The following KMT2B variants were observed in gnomAD, a reference collection of about 807,000 sequenced individuals.
KMT2B encodes histone-lysine N-methyltransferase 2B.
A neutral mutation model predicts 255.3 loss-of-function variants in KMT2B; 22 were observed. The observed-to-expected ratio is 0.09, with a 90% CI of 0.06 to 0.12. The LOEUF (loss-of-function observed/expected upper bound fraction) is 0.12. KMT2B is among the 10% of genes least tolerant of loss of function. KMT2B has a pLI of 1.00. For synonymous variants in KMT2B, 1,730 were observed against 1,498.1 expected (o/e 1.15, Z -3.57); for missense variants, 3,149 against 3,737.0 (o/e 0.84, Z 4.10).
At chr19:35,724,192 A>C (rs978121044) in intron 8 of KMT2B, among the ~76,000 whole-genome samples, 185 bp downstream of exon 8, 10 of 152,122 alleles carry the variant, frequency 6.6e-5, no homozygotes, top group Admixed American at 3.3e-4. Context: ...AGTGAGCCTA[A>C]TGAGTGAGAC....
chr19:35,732,884 A>G lies in KMT2B; in HGVS notation c.6335A>G (p.Glu2112Gly). 6.2e-7 allele frequency: 1 copy of G among 1,610,276 alleles called. No homozygotes were observed. Among genetic ancestry groups the G allele is most frequent in the South Asian group, 1.1e-5 (1 of 90,668 alleles). ...CGGCCTCCTGAGGACCTGCCATCGG[A>G]AATTGTGGATTTTGTGTTGAAGAAC... Reference protein sequence around the residue: ...RARPPEDLPSEIVDFVLKNLG... With the variant: ...RARPPEDLPSGIVDFVLKNLG... Residue 2112 changes from glutamate to glycine, a missense_variant, in exon 28 of 37, where the codon GAA becomes GGA. Transcript: ENST00000420124.
chr19:35,726,844 C>T (rs1237741144), intron 14 of KMT2B, among the ~76,000 whole-genome samples: 3 of 151,996 alleles, frequency 2.0e-5, no homozygotes, highest in South Asian at 2.1e-4. Flanking sequence ...ATTAGCCGGG[C>T]ATGATGGCGG....
chr19:35,729,357 T>A (rs1351030702), intron 22 of KMT2B, 61 bp downstream of exon 22: 23 of 1,535,198 alleles, frequency 1.5e-5, no homozygotes, highest in Admixed American at 2.0e-5. Context: ...CCTCCTCCGG[T>A]GCAAACAGCT....
intron 22 of KMT2B, among the ~76,000 whole-genome samples, chr19:35,729,556 G>A (rs1366943358): frequency 1.3e-5 from 2 of 152,162 alleles, no homozygotes; most frequent in Non-Finnish European, 2.9e-5. Context: ...CGCTTTCCAT[G>A]CTGGGTGGCG....
At position 35,720,451 on chromosome 19, in the gene KMT2B, G is replaced by A. The variant is rs376407096; in HGVS notation, c.1104G>A (p.Lys368=). The change falls in exon 3 of 37, where the codon AAG becomes AAA. Residue 368 remains lysine (K), a synonymous_variant. Transcript: ENST00000420124. The part of the protein sequence containing the change: ...EQKLDDEEEE[K]KEEEEKDKEG... ...AGCTGGATGACGAGGAAGAAGAGAA[G>A]AAAGAAGAAGAAGAAAAAGACAAGG... 5.2e-6 allele frequency: 8 copies of A among 1,551,834 alleles called. 1 individual carries two copies. The African/African-American group carries it at 5.5e-5, about 11-fold the overall frequency.
intron 30 of KMT2B, among the ~76,000 whole-genome samples, chr19:35,734,426 C>A (rs114503417): frequency 0.027 from 4,082 of 152,268 alleles, 172 homozygotes; most frequent in African/African-American, 0.088. Flanking sequence ...GAAGGCAAAA[C>A]AGCCCAAGCA....
chr19:35,737,022 A>G lies in KMT2B; in HGVS notation c.7372+36A>G, dbSNP rs1320786698. Reference sequence around the variant, plus strand: ...GGCCCCACAGGGGGCAGGGAGCTGGATGTCTCCCCGAGGGCACCATGGGCC... The same window carrying G: ...GGCCCCACAGGGGGCAGGGAGCTGGGTGTCTCCCCGAGGGCACCATGGGCC... On this transcript the variant is annotated intron_variant, in intron 32 of 36. Transcript: ENST00000420124. This position sits in a 1 kb window ranked among gnomAD's most constrained non-coding sequence, Gnocchi z 5.3. 1.2e-6 allele frequency: 2 copies of G among 1,610,602 alleles called. No individual in the cohort carries two copies. The highest frequency in any genetic ancestry group is 3.4e-5 in the Admixed American group (2 of 59,392).
chr19:35,718,413 G>C lies in KMT2B; in HGVS notation c.363+32G>C. ...CGGTTGGAGGCGTCCCCGGCGCCGG[G>C]TGGGGCGGAGGCCGGGGCTTCCAGG... On this transcript the variant is annotated intron_variant, in intron 1 of 36. Transcript: ENST00000420124. The surrounding 1 kb of genome is among the most constrained non-coding windows in gnomAD (Gnocchi z 5.0). 3 of 1,244,380 alleles carry C rather than the reference G, an allele frequency of 2.4e-6. No individual in the cohort carries two copies. Among genetic ancestry groups the C allele is most frequent in the South Asian group, 3.9e-5 (1 of 25,486 alleles). The allele number at this position is 1,244,380 out of a possible 1,614,324, so 77.1% of individuals were successfully genotyped here. A position where few individuals can be genotyped will look rare whatever the true frequency, so the allele number is the denominator to read the frequency against.
At position 35,727,834 on chromosome 19, in the gene KMT2B, C is replaced by G. The variant is rs781550305; in HGVS notation, c.4392+47C>G. On this transcript the variant is annotated intron_variant, in intron 17 of 36. Transcript: ENST00000420124. This position sits in a 1 kb window ranked among gnomAD's most constrained non-coding sequence, Gnocchi z 4.2. Reference sequence around the variant, plus strand: ...GCAGGTGGGTGGCAGGAGGAGAGGGCTGGAATTGTGCAGAGGGGACTCAGT... The same window carrying G: ...GCAGGTGGGTGGCAGGAGGAGAGGGGTGGAATTGTGCAGAGGGGACTCAGT... 6.2e-7 allele frequency: 1 copy of G among 1,612,876 alleles called. No individual in the cohort carries two copies. Among genetic ancestry groups the G allele is most frequent in the East Asian group, 2.2e-5 (1 of 44,872 alleles).
In KMT2B at chr19:35,733,842, C is replaced by T; in HGVS notation, c.7129C>T (p.Leu2377=). The part of the protein sequence containing the change: ...PQVPDGPPDL[L]LESQWHHYSG... ...GGTCCCCGATGGTCCCCCAGACCTG[C>T]TGCTTGAGTCCCAGTGGCACCACTA... is the stretch of plus-strand genomic sequence containing the variant. The change falls in exon 30 of 37, where the codon CTG becomes TTG. Residue 2377 remains leucine (L), a synonymous_variant. Coordinates refer to ENST00000420124, the MANE Select transcript of KMT2B (RefSeq NM_014727.3). The surrounding 1 kb of genome is among the most constrained non-coding windows in gnomAD (Gnocchi z 4.3). The T allele has an allele frequency of 1.2e-6, 2 of 1,613,748 alleles. No individual in the cohort carries two copies. The highest frequency in any genetic ancestry group is 2.2e-5 in the East Asian group (1 of 44,872).
In KMT2B at chr19:35,729,299, G is replaced by A; in HGVS notation, c.4917+3G>A. On this transcript the variant is annotated splice_donor_region_variant and intron_variant, in intron 22 of 36. Transcript: ENST00000420124. ...CTGTGGCCCGAGGGAGGCAGATGGT[G>A]AGGGCGCGGGCGCAGAGAGGTGGAC... 6.3e-7 allele frequency: 1 copy of A among 1,592,670 alleles called. No individual in the cohort carries two copies. Among genetic ancestry groups the A allele is most frequent in the Non-Finnish European group, 8.5e-7 (1 of 1,170,354 alleles).
rs1568374578 is a variant in KMT2B at position 35,725,950 on chromosome 19, C to T, written c.3885+132C>T. On this transcript the variant is annotated intron_variant, in intron 13 of 36. Coordinates refer to ENST00000420124, the MANE Select transcript of KMT2B (RefSeq NM_014727.3). The surrounding 1 kb of genome is among the most constrained non-coding windows in gnomAD (Gnocchi z 4.1). The stretch of plus-strand genomic sequence containing the variant: ...TCTTAAGAATTGATTAGTAATGTTT[C>T]CTCTTCAAAAATTTCACATAGGTCA... The T allele has an allele frequency of 1.0e-5, 8 of 783,474 alleles. No homozygotes were observed. Among genetic ancestry groups the T allele is most frequent in the South Asian group, 6.8e-5 (4 of 59,232 alleles). 48.5% of individuals were successfully genotyped at this position (783,474 alleles called of 1,614,324 possible).
intron 30 of KMT2B, among the ~76,000 whole-genome samples, chr19:35,734,109 C>T (rs543785128): frequency 6.6e-6 from 1 of 152,206 alleles, no homozygotes; most frequent in East Asian, 1.9e-4. Flanking sequence ...TCCAGCATGC[C>T]CAAGAGCCTA....
intron 1 of KMT2B, 113 bp from the exon 2 acceptor site, chr19:35,719,356 A>G (rs1220601566): frequency 1.3e-6 from 1 of 748,230 alleles, no homozygotes; most frequent in South Asian, 1.8e-5. Context: ...TTCTTTTTAA[A>G]TAGGCAGGGG....
rs1263776524 is a variant in KMT2B, at chr19:35,736,672, C to T, written c.7160-18C>T. On this transcript the variant is annotated intron_variant, in intron 30 of 36. Transcript: ENST00000420124. ...CCGGGAAGGGTGATCTTCACTCCAA[C>T]CTGCTTCTTGGGACCAGGTGAGGCT... 6.2e-7 allele frequency: 1 copy of T among 1,612,564 alleles called. No homozygotes were observed. Among genetic ancestry groups the T allele is most frequent in the Admixed American group, 1.7e-5 (1 of 59,936 alleles).
At position 35,727,749 on chromosome 19, in the gene KMT2B, G is replaced by T; in HGVS notation, c.4354G>T (p.Val1452Leu). ...LHPGPCGLQA[V>L]SQRFEDGHYK... ...CCCAGGACCCTGCGGCCTGCAAGCT[G>T]TGAGTCAGCGCTTCGAGGATGGCCA... is the stretch of plus-strand genomic sequence containing the variant. The change falls in exon 17 of 37, where the codon GTG (valine) becomes TTG (leucine). Residue 1452 changes from valine (V) to leucine (L), a missense_variant. Val to Leu is a conservative substitution (Grantham distance 32). Coordinates refer to ENST00000420124, the MANE Select transcript of KMT2B (RefSeq NM_014727.3). The surrounding 1 kb of genome is among the most constrained non-coding windows in gnomAD (Gnocchi z 4.2). 6.2e-7 allele frequency: 1 copy of T among 1,613,906 alleles called. No homozygotes were observed. Among genetic ancestry groups the T allele is most frequent in the Non-Finnish European group, 8.5e-7 (1 of 1,179,892 alleles).
At position 35,737,293 on chromosome 19, in the gene KMT2B, C is replaced by T. The variant is rs188605663; in HGVS notation, c.7550+30C>T. 8 of 1,467,910 alleles carry T rather than the reference C, an allele frequency of 5.4e-6. No individual in the cohort carries two copies. Among genetic ancestry groups the T allele is most frequent in the Non-Finnish European group, 7.2e-6 (8 of 1,110,512 alleles). 90.9% of individuals were successfully genotyped at this position (1,467,910 alleles called of 1,614,324 possible). On this transcript the variant is annotated intron_variant, in intron 33 of 36. Coordinates refer to ENST00000420124, the MANE Select transcript of KMT2B (RefSeq NM_014727.3). This position sits in a 1 kb window ranked among gnomAD's most constrained non-coding sequence, Gnocchi z 5.3. Reference sequence around the variant, plus strand: ...GAGGTCTGGGGTGTGATGCCTGGGTCAGGGCGCCCCTATGAGAGCTCTTGA... The same window carrying T: ...GAGGTCTGGGGTGTGATGCCTGGGTTAGGGCGCCCCTATGAGAGCTCTTGA...
chr19:35,726,660 G>A (rs1969462978), intron 14 of KMT2B, among the ~76,000 whole-genome samples: 2 of 152,134 alleles, frequency 1.3e-5, no homozygotes, highest in Admixed American at 1.3e-4. Context: ...ACATTAGCAA[G>A]GCCCTGTGTT....
In KMT2B at chr19:35,732,370, G is replaced by T. The variant is rs1166328324; in HGVS notation, c.5821G>T (p.Val1941Leu). Residue 1941 changes from valine (V) to leucine (L), a missense_variant, in exon 28 of 37, where the codon GTG (valine) becomes TTG (leucine). By Grantham distance (32) the Val-to-Leu change is conservative (BLOSUM62 1). This residue lies in a region of KMT2B where 897 missense variants were observed against 825.3 expected (regional missense o/e 1.09). Transcript: ENST00000420124. ...TCTAAAAACCTCCCCTCAGCTCAGGGTGCCCCCTCCTACCTCAGTCGTCAC... is the reference window on the plus strand; with the variant it reads ...TCTAAAAACCTCCCCTCAGCTCAGGTTGCCCCCTCCTACCTCAGTCGTCAC... ...PPLKTSPQLRVPPPTSVVTAL... is the reference protein window; with the variant it reads ...PPLKTSPQLRLPPPTSVVTAL... 2 of 1,612,840 alleles carry T rather than the reference G, an allele frequency of 1.2e-6. No individual in the cohort carries two copies. Among genetic ancestry groups the T allele is most frequent in the Admixed American group, 3.3e-5 (2 of 59,860 alleles).
Sources: gnomAD v4.1 joint callset for allele counts (sites outside exome capture counted in the v4.1 genomes callset) on GRCh38, gnomAD v4.1.1 for gene constraint, gnomAD v4.1.1 regional missense constraint, Gnocchi (gnomAD v3.1) non-coding constraint, MANE v1.5 for transcripts, NCBI Gene and HGNC (gene_info 2026-07-23, HGNC 2026-07-21) for gene names.